NOX4: variants seen among roughly 807,000 people sequenced by gnomAD.
NOX4 encodes the protein NADPH oxidase 4, also known as kidney oxidase-1.
Under a neutral mutation model 87.6 loss-of-function variants are expected in NOX4, and 69 were observed. The ratio of observed to expected loss-of-function variants is 0.79; its 90% CI spans 0.65 to 0.96. NOX4 has a LOEUF of 0.96. Among genes scored for constraint, NOX4 ranks in the 40% least tolerant of loss-of-function variants. The probability of loss-of-function intolerance (pLI) is 0.00; values close to 1 mark genes in which losing one functional copy is unlikely to be tolerated. For synonymous variants in NOX4, 275 were observed against 238.2 expected (o/e 1.15, Z -1.42); for missense variants, 680 against 681.5 (o/e 1.00, Z 0.02).
chr11:89,338,780 A>G (rs1945839872), intron 15 of NOX4, among the ~76,000 whole-genome samples: 2 of 152,008 alleles, frequency 1.3e-5, no homozygotes, highest in African/African-American at 4.8e-5. Flanking sequence ...CTGCTCATTC[A>G]CTTCAGTCAA....
intron 2 of NOX4, among the ~76,000 whole-genome samples, chr11:89,462,628 A>G (rs930506092): frequency 2.6e-5 from 4 of 152,096 alleles, no homozygotes; most frequent in Admixed American, 6.6e-5. Context: ...ATGAAGAAAA[A>G]CATTGGTTAT....
At chr11:89,455,393 A>G (rs1156618487) in intron 2 of NOX4, among the ~76,000 whole-genome samples, 1 of 151,346 alleles carries the variant, frequency 6.6e-6, no homozygotes, top group Non-Finnish European at 1.5e-5. Context: ...CCTCCTTTCT[A>G]CTCTTTTCCT....
In NOX4 at chr11:89,403,413, C is replaced by T. The variant is rs145509312; in HGVS notation, c.630-871G>A. ...GTATATTTTATTATTTTAAAGAATA[C>T]TAAGGAAAAATTTATTTCCAAGATT... On this transcript the variant is annotated intron_variant, in intron 8 of 17. Coordinates refer to ENST00000263317, the MANE Select transcript of NOX4 (RefSeq NM_016931.5). 7.2e-3 allele frequency among the ~76,000 whole-genome samples: 1,093 copies of T among 152,190 alleles called. 10 individuals carry two copies. The highest frequency in any genetic ancestry group is 0.025 in the African/African-American group (1,019 of 41,522).
At chr11:89,560,644 C>A in the NOX4 span, among the ~76,000 whole-genome samples, 1 of 151,900 alleles carries the variant, frequency 6.6e-6, no homozygotes, top group African/African-American at 2.4e-5. Flanking sequence ...TGGCTGTGGA[C>A]CCAGGTAGAA....
intron 12 of NOX4, among the ~76,000 whole-genome samples, chr11:89,373,056 T>C (rs1270402169): frequency 1.3e-5 from 2 of 151,662 alleles, no homozygotes; most frequent in East Asian, 3.9e-4. Context: ...ACTGGAAGAT[T>C]TGTGTGATCT....
chr11:89,350,195 A>C (rs1298423031), intron 13 of NOX4, among the ~76,000 whole-genome samples: 1 of 152,206 alleles, frequency 6.6e-6, no homozygotes, highest in African/African-American at 2.4e-5. Context: ...AAGAGCTCAC[A>C]AATGTAAAAA....
chr11:89,402,235 A>AAT lies in NOX4; in HGVS notation c.846+89_846+90dup. The AAT allele has an allele frequency of 8.7e-6, 8 of 918,242 alleles. No homozygotes were observed. In the South Asian group the frequency reaches 1.1e-4, roughly 13 times the overall value. The allele number at this position is 918,242 out of a possible 1,614,324, so 56.9% of individuals were successfully genotyped here. A position where few individuals can be genotyped will look rare whatever the true frequency, so the allele number is the denominator to read the frequency against. On this transcript the variant is annotated intron_variant, in intron 9 of 17. Transcript: ENST00000263317. ...ATCCTGAAATATCCTATTATGCATG[A>AAT]ATATATAGCTTGAAAAACACATTTA...
At chr11:89,502,211 C>T (rs965224229), upstream of NOX4, among the ~76,000 whole-genome samples, 4 of 151,932 alleles carry the variant, frequency 2.6e-5, no homozygotes, top group Non-Finnish European at 5.9e-5. Flanking sequence ...GATACCTATC[C>T]ATTGTTATTA....
Position 89,424,012 on chromosome 11 carries a change from G to T in NOX4, c.549-2030C>A, listed in dbSNP as rs527356591. 1.4e-4 allele frequency among the ~76,000 whole-genome samples: 21 copies of T among 152,090 alleles called. No individual in the cohort carries two copies. In the East Asian group the frequency reaches 4.1e-3, roughly 29 times the overall value. ...AGCCTGGGAGGTCAAGGTTGCGGCT[G>T]CATTGAGCTGTAATCTTATCACTGT... On this transcript the variant is annotated intron_variant, in intron 7 of 17. Transcript: ENST00000263317.
the NOX4 span, chr11:89,548,147 G>A: frequency 1.3e-5 from 2 of 152,022 alleles, no homozygotes; most frequent in Non-Finnish European, 2.9e-5. Context: ...TGGACTGAAC[G>A]TTTGTGTCTT....
intron 2 of NOX4, among the ~76,000 whole-genome samples, chr11:89,465,850 A>G (rs1034724754): frequency 1.3e-5 from 2 of 151,310 alleles, no homozygotes; most frequent in Admixed American, 1.3e-4. Flanking sequence ...AAATTTGTTT[A>G]AGTTCTTTGT....
intron 17 of NOX4, among the ~76,000 whole-genome samples, chr11:89,335,605 G>C (rs1945671758): frequency 6.6e-6 from 1 of 151,642 alleles, no homozygotes; most frequent in Non-Finnish European, 1.5e-5. Flanking sequence ...TAATCAGATA[G>C]GAGAGTTTAG....
chr11:89,550,879 A>T, the NOX4 span, among the ~76,000 whole-genome samples: 1 of 151,726 alleles, frequency 6.6e-6, no homozygotes, highest in Non-Finnish European at 1.5e-5. Context: ...TGCCCATGGT[A>T]TTGCCTAGGT....
intron 2 of NOX4, among the ~76,000 whole-genome samples, chr11:89,475,052 A>T (rs982934843): frequency 3.3e-5 from 5 of 149,914 alleles, no homozygotes; most frequent in African/African-American, 1.2e-4. Context: ...ATTCAGTGAA[A>T]TATTAAAAAT....
intron 15 of NOX4, among the ~76,000 whole-genome samples, chr11:89,338,975 G>A (rs1945851640): frequency 6.6e-6 from 1 of 152,034 alleles, no homozygotes; most frequent in East Asian, 1.9e-4. Context: ...TGCCCCCTTA[G>A]AATGTAAACC....
intron 12 of NOX4, among the ~76,000 whole-genome samples, chr11:89,365,752 A>C (rs1429193417): frequency 3.6e-5 from 4 of 111,332 alleles, no homozygotes; most frequent in African/African-American, 1.5e-4. Flanking sequence ...GACCACGCCC[A>C]CAAAAAAAAA....
chr11:89,440,628 T>C, intron 6 of NOX4, 60 bp downstream of exon 6: 1 of 1,235,720 alleles, frequency 8.1e-7, no homozygotes, highest in Non-Finnish European at 1.1e-6. Flanking sequence ...CCCAGTCCGA[T>C]AATGCCTACT....
intron 2 of NOX4, among the ~76,000 whole-genome samples, chr11:89,463,568 C>A (rs905419140): frequency 6.6e-6 from 1 of 151,962 alleles, no homozygotes; most frequent in Non-Finnish European, 1.5e-5. Context: ...ATATTTCCAA[C>A]TTAACTGTTG....
At chr11:89,479,928 G>A (rs1357994757) in intron 2 of NOX4, among the ~76,000 whole-genome samples, 2 of 152,096 alleles carry the variant, frequency 1.3e-5, no homozygotes, top group African/African-American at 4.8e-5. Flanking sequence ...CTTGGCATAT[G>A]TGGGGGATTG....
Sources: gnomAD v4.1 joint callset for allele counts (sites outside exome capture counted in the v4.1 genomes callset) on GRCh38, gnomAD v4.1.1 for gene constraint, MANE v1.5 for transcripts, NCBI Gene and HGNC (gene_info 2026-07-23, HGNC 2026-07-21) for gene names.